AGAP3: variants seen among roughly 807,000 people sequenced by gnomAD.
The protein encoded by AGAP3 is ArfGAP with GTPase domain, ankyrin repeat and PH domain 3.
Under a neutral mutation model 96.9 loss-of-function variants are expected in AGAP3, and 24 were observed. The observed-to-expected ratio is 0.25, with a 90% confidence interval of 0.18 to 0.35. AGAP3 has a LOEUF of 0.35. AGAP3 is among the 10% of genes least tolerant of loss of function. AGAP3 has a pLI of 1.00. For missense variants in AGAP3, 876 were observed against 1,254.2 expected, an observed-to-expected ratio of 0.70 and a Z score of 4.55; for synonymous variants, 563 against 536.1, an observed-to-expected ratio of 1.05 and a Z score of -0.69.
chr7:151,096,797 G>A lies in AGAP3; in HGVS notation c.331+9725G>A, dbSNP rs1351142288. Among the ~76,000 whole-genome samples, 6 of 150,046 alleles carry A rather than the reference G, an allele frequency of 4.0e-5. No homozygotes were observed. The highest frequency in any genetic ancestry group is 8.9e-5 in the Non-Finnish European group (6 of 67,608). On this transcript the variant is annotated intron_variant, in intron 1 of 17. Coordinates refer to ENST00000397238, the MANE Select transcript of AGAP3 (RefSeq NM_031946.7). The surrounding 1 kb of genome is among the most constrained non-coding windows in gnomAD (Gnocchi z 4.4). ...TAAATTTTCTTTTCTTTTCTTTAAC[G>A]AGACAGAGTCTTGCTTTGTTTCCCA...
chr7:151,114,834 G>A lies in AGAP3; in HGVS notation c.332-1959G>A. ...GGAGCGGCCCGCCGCTTGCCGCCGC[G>A]CCCACAGCGTCTGCGACTCGCTGGA... On this transcript the variant is annotated intron_variant, in intron 1 of 17. Coordinates refer to ENST00000397238, the MANE Select transcript of AGAP3 (RefSeq NM_031946.7). This position sits in a 1 kb window ranked among gnomAD's most constrained non-coding sequence, Gnocchi z 4.4. The A allele has an allele frequency of 9.5e-7, 1 of 1,055,306 alleles. No individual in the cohort carries two copies. Among genetic ancestry groups the A allele is most frequent in the Non-Finnish European group, 1.1e-6 (1 of 876,084 alleles). The allele number at this position is 1,055,306 out of a possible 1,614,324, so 65.4% of individuals were successfully genotyped here.
Position 151,110,270 on chromosome 7 carries a change from A to G in AGAP3, c.332-6523A>G, listed in dbSNP as rs1395458232. Reference sequence around the variant, plus strand: ...CACTCGGGGAATCATGGCCACCTTCATGTGCCTGGCAGAGTTCTGTTGTGG... The same window carrying G: ...CACTCGGGGAATCATGGCCACCTTCGTGTGCCTGGCAGAGTTCTGTTGTGG... On this transcript the variant is annotated intron_variant, in intron 1 of 17. Coordinates refer to ENST00000397238, the MANE Select transcript of AGAP3 (RefSeq NM_031946.7). Among the ~76,000 whole-genome samples, 3 of 152,280 alleles carry G rather than the reference A, an allele frequency of 2.0e-5. No homozygotes were observed. In the East Asian group the frequency reaches 5.8e-4, roughly 29 times the overall value.
chr7:151,143,639 A>G lies in AGAP3; in HGVS notation c.2529+43A>G. 2 of 1,599,918 alleles carry G rather than the reference A, an allele frequency of 1.3e-6. No homozygotes were observed. Among genetic ancestry groups the G allele is most frequent in the Non-Finnish European group, 1.7e-6 (2 of 1,171,212 alleles). ...AGCCTGCCCTGACCTCGCTCTTCTT[A>G]GCCTTGTTCTTTGAAAGCAACCTCT... On this transcript the variant is annotated intron_variant, in intron 17 of 17. Transcript: ENST00000397238. The surrounding 1 kb of genome is among the most constrained non-coding windows in gnomAD (Gnocchi z 5.9).
At position 151,108,200 on chromosome 7, in the gene AGAP3, C is replaced by T. The variant is rs536828808; in HGVS notation, c.332-8593C>T. Among the ~76,000 whole-genome samples the T allele has an allele frequency of 3.3e-5, 5 of 152,278 alleles. No individual in the cohort carries two copies. Among genetic ancestry groups the T allele is most frequent in the Non-Finnish European group, 5.9e-5 (4 of 68,014 alleles). ...GGGACATGCTAAGGGACCGAGTCTT[C>T]GAGGGGAGGGCCTTTGTCCTGTCCA... On this transcript the variant is annotated intron_variant, in intron 1 of 17. Transcript: ENST00000397238. The surrounding 1 kb of genome is among the most constrained non-coding windows in gnomAD (Gnocchi z 4.2).
chr7:151,128,803 A>C, intron 10 of AGAP3, 119 bp downstream of exon 10: 1 of 849,888 alleles, frequency 1.2e-6, no homozygotes, highest in Non-Finnish European at 1.9e-6. Context: ...AGTGATTTCA[A>C]ATGGCTCATC....
chr7:151,114,799 G>T lies in AGAP3; in HGVS notation c.332-1994G>T. 9.5e-7 allele frequency: 1 copy of T among 1,049,386 alleles called. No individual in the cohort carries two copies. The highest frequency in any genetic ancestry group is 1.1e-6 in the Non-Finnish European group (1 of 873,092). The allele number at this position is 1,049,386 out of a possible 1,614,324, so 65.0% of individuals were successfully genotyped here. On this transcript the variant is annotated intron_variant, in intron 1 of 17. Transcript: ENST00000397238. This position sits in a 1 kb window ranked among gnomAD's most constrained non-coding sequence, Gnocchi z 4.4. ...GAGCGGGGCTGGCCGCAGGGGGACAGCTGTCCCGGGGAGCGGCCCGCCGCT... is the reference window on the plus strand; with the variant it reads ...GAGCGGGGCTGGCCGCAGGGGGACATCTGTCCCGGGGAGCGGCCCGCCGCT...
rs573131406 is a variant in AGAP3, at chr7:151,138,373, G to A, written c.1666+60G>A. On this transcript the variant is annotated intron_variant, in intron 12 of 17. Transcript: ENST00000397238. ...GGGGCCCCAGTGACAGAGAGGAGGG[G>A]AACTGGGCAGCATTCTTGGCTTGGG... 3 of 1,516,976 alleles carry A rather than the reference G, an allele frequency of 2.0e-6. No homozygotes were observed. In the African/African-American group the frequency reaches 4.1e-5, roughly 21 times the overall value. 94.0% of individuals were successfully genotyped at this position (1,516,976 alleles called of 1,614,324 possible).
intron 7 of AGAP3, chr7:151,119,057 C>T (rs991669533): frequency 1.5e-4 from 33 of 221,624 alleles, no homozygotes; most frequent in Non-Finnish European, 2.5e-4. Flanking sequence ...TTTCAGAGAC[C>T]CTTCCCTTCA....
chr7:151,112,884 G>A (rs758320321), intron 1 of AGAP3, among the ~76,000 whole-genome samples: 3 of 152,086 alleles, frequency 2.0e-5, no homozygotes, highest in African/African-American at 4.8e-5. Context: ...TTACAGGCGC[G>A]AGACACGGTG....
Position 151,118,638 on chromosome 7 carries a change from G to C in AGAP3, c.969+6G>C. The C allele has an allele frequency of 6.2e-7, 1 of 1,611,512 alleles. No homozygotes were observed. Among genetic ancestry groups the C allele is most frequent in the South Asian group, 1.1e-5 (1 of 91,006 alleles). On this transcript the variant is annotated splice_donor_region_variant and intron_variant, in intron 7 of 17. Transcript: ENST00000397238. The surrounding 1 kb of genome is among the most constrained non-coding windows in gnomAD (Gnocchi z 6.1). Reference sequence around the variant, plus strand: ...CGGCCGTGCACATCAACCAGGTTCGGCCTGTGCCCCGCCCTGCCCTTCCTG... The same window carrying C: ...CGGCCGTGCACATCAACCAGGTTCGCCCTGTGCCCCGCCCTGCCCTTCCTG...
chr7:151,109,880 C>T (rs760952707), intron 1 of AGAP3, among the ~76,000 whole-genome samples: 13 of 152,252 alleles, frequency 8.5e-5, no homozygotes, highest in Non-Finnish European at 1.9e-4. Context: ...GGAGCAGCTC[C>T]TTCTGTTGCT....
At position 151,114,501 on chromosome 7, in the gene AGAP3, G is replaced by GGGCTGCCCCAGCAGGCC. The variant is rs1186721134; in HGVS notation, c.332-2287_332-2271dup. Among the ~76,000 whole-genome samples, 2 of 152,216 alleles carry GGGCTGCCCCAGCAGGCC rather than the reference G, an allele frequency of 1.3e-5. No homozygotes were observed. The highest frequency in any genetic ancestry group is 2.9e-5 in the Non-Finnish European group (2 of 68,024). On this transcript the variant is annotated intron_variant, in intron 1 of 17. Transcript: ENST00000397238. This position sits in a 1 kb window ranked among gnomAD's most constrained non-coding sequence, Gnocchi z 4.4. ...ATTTCCTGTTTTCGAGGGCTCCCAG[G>GGGCTGCCCCAGCAGGCC]GGCTGCCCCAGCAGGCCGGCTCCCC...
At chr7:151,122,677 G>C in intron 8 of AGAP3, 3 of 1,611,010 alleles carry the variant, frequency 1.9e-6, no homozygotes, top group East Asian at 4.5e-5. Flanking sequence ...GACTTGTGCG[G>C]GGCTTGAGTA....
rs117301939 is a variant in AGAP3 at position 151,133,254 on chromosome 7, G to A, written c.1327-1146G>A. 0.021 allele frequency among the ~76,000 whole-genome samples: 3,142 copies of A among 152,322 alleles called. 45 individuals are homozygous for A. Among genetic ancestry groups the A allele is most frequent in the Middle Eastern group, 0.048 (14 of 294 alleles). On this transcript the variant is annotated intron_variant, in intron 10 of 17. Coordinates refer to ENST00000397238, the MANE Select transcript of AGAP3 (RefSeq NM_031946.7). This position sits in a 1 kb window ranked among gnomAD's most constrained non-coding sequence, Gnocchi z 5.4. Reference sequence around the variant, plus strand: ...CCAAGGGCATTGGCTAGGAATTGCCGTGGAGCTCAGGGACAGTGACAGGGA... The same window carrying A: ...CCAAGGGCATTGGCTAGGAATTGCCATGGAGCTCAGGGACAGTGACAGGGA...
At chr7:151,097,409 G>A (rs1295402021) in intron 1 of AGAP3, among the ~76,000 whole-genome samples, 1 of 150,450 alleles carries the variant, frequency 6.6e-6, no homozygotes, top group African/African-American at 2.4e-5. Flanking sequence ...GTGGGCACCT[G>A]TAATTCCAGA....
intron 8 of AGAP3, chr7:151,122,701 T>C: frequency 6.2e-7 from 1 of 1,613,506 alleles, no homozygotes; most frequent in African/African-American, 1.3e-5. Flanking sequence ...CTTGCCAAAA[T>C]CTTTATTCTT....
intron 10 of AGAP3, among the ~76,000 whole-genome samples, chr7:151,129,319 C>G (rs79558865): frequency 0.35 from 52,622 of 151,654 alleles, 9,210 homozygotes; most frequent in Admixed American, 0.44. Flanking sequence ...GAAGCCCCTC[C>G]AGCACAGCGC....
chr7:151,109,506 T>C (rs1799195623), intron 1 of AGAP3, among the ~76,000 whole-genome samples: 1 of 152,220 alleles, frequency 6.6e-6, no homozygotes, highest in South Asian at 2.1e-4. Flanking sequence ...TCTCTTCACA[T>C]TGACTTCCCT....
rs902742762 is a variant in AGAP3, at chr7:151,115,658, G to A, written c.332-1135G>A. On this transcript the variant is annotated intron_variant, in intron 1 of 17. Transcript: ENST00000397238. ...CGCCCAGCGGTAAGGGGGCGGGCCT[G>A]GGGGGCGTCTGGCAGAAAACAGCTC... 1.7e-5 allele frequency: 20 copies of A among 1,154,212 alleles called. No individual in the cohort carries two copies. The Middle Eastern group carries it at 1.8e-3, about 102-fold the overall frequency. The allele number at this position is 1,154,212 out of a possible 1,614,324, so 71.5% of individuals were successfully genotyped here.
Sources: allele counts gnomAD v4.1 joint callset (sites outside exome capture counted in the v4.1 genomes callset), GRCh38; gene constraint gnomAD v4.1.1; non-coding constraint Gnocchi (gnomAD v3.1); transcripts MANE v1.5; gene names NCBI Gene and HGNC (gene_info 2026-07-23, HGNC 2026-07-21).